The following NLRP7 variants were observed in gnomAD, a reference collection of about 807,000 sequenced individuals.
NLRP7 encodes NACHT, LRR and PYD domains-containing protein 7.
Under a neutral mutation model 85.5 loss-of-function variants are expected in NLRP7, and 72 were observed. That is an observed-to-expected ratio of 0.84 (90% CI 0.70 to 1.02). The LOEUF (loss-of-function observed/expected upper bound fraction) is 1.02, where lower values mean the gene tolerates loss of function less well. Ranked by LOEUF, NLRP7 falls within the 50% of genes least tolerant of loss-of-function variation. NLRP7 has a pLI of 0.00. For missense variants in NLRP7, 1,243 were observed against 1,219.5 expected, an observed-to-expected ratio of 1.02 and a Z score of -0.29; for synonymous variants, 550 against 505.2, an observed-to-expected ratio of 1.09 and a Z score of -1.19.
chr19:54,958,877 C>T (rs2069942205), intron 1 of NLRP7, among the ~76,000 whole-genome samples: 3 of 152,108 alleles, frequency 2.0e-5, no homozygotes. Context: ...ATGAAAGGGT[C>T]ATGATTGAGC....
chr19:54,938,799 G>A (rs2069060509), intron 4 of NLRP7, 89 bp downstream of exon 4: 1 of 1,433,722 alleles, frequency 7.0e-7, no homozygotes, highest in South Asian at 1.1e-5. Context: ...AAGAAGTCCA[G>A]CCAGAGGGAA....
At chr19:54,935,693 A>AG (rs1491251916) in intron 6 of NLRP7, among the ~76,000 whole-genome samples, 2 of 125,388 alleles carry the variant, frequency 1.6e-5, no homozygotes, top group Non-Finnish European at 3.1e-5. Context: ...ACTGTCTCAA[A>AG]GAAAAAAAAA....
chr19:54,950,767 CTT>C (rs2069642490), upstream of NLRP7, among the ~76,000 whole-genome samples: 1 of 151,982 alleles, frequency 6.6e-6, no homozygotes, highest in Admixed American at 6.6e-5. Context: ...ATGCCTTCCT[CTT>C]GTCTCAACTG....
At position 54,940,029 on chromosome 19, in the gene NLRP7, C is replaced by T. The variant is rs530968592; in HGVS notation, c.790G>A (p.Ala264Thr). ...TCCCCGCAGATGTCCTGGATCAGCG[C>T]CCCAGGTGGGACTTTCAGCTCATCA... The change falls in exon 4 of 10, where the codon GCG (alanine) becomes ACG (threonine). Residue 264 changes from alanine to threonine, a missense_variant. Physicochemically the swap from Ala to Thr is moderately conservative, Grantham distance 58. Coordinates refer to ENST00000340844, the Ensembl canonical transcript of NLRP7. 1.1e-5 allele frequency: 17 copies of T among 1,614,188 alleles called. No homozygotes were observed. Among genetic ancestry groups the T allele is most frequent in the Middle Eastern group, 1.6e-4 (1 of 6,062 alleles).
exon 5 of NLRP7, chr19:54,938,112 C>T: frequency 6.2e-7 from 1 of 1,614,108 alleles, no homozygotes; most frequent in Non-Finnish European, 8.5e-7. Context: ...AAGAGTCACT[C>T]AGGAAGCTTT....
At chr19:54,926,033 G>T (rs1156921249) in intron 9 of NLRP7, among the ~76,000 whole-genome samples, 1 of 149,824 alleles carries the variant, frequency 6.7e-6, no homozygotes, top group Non-Finnish European at 1.5e-5. Context: ...AAAAAAGACA[G>T]ACTCCGTCTC....
At chr19:54,947,774 C>T (rs2069539068), upstream of NLRP7, 4 of 642,826 alleles carry the variant, frequency 6.2e-6, no homozygotes, top group East Asian at 1.3e-4. Context: ...CCACCCGGGC[C>T]AGGTGTGATA....
At chr19:54,944,168 A>G (rs1256681292) in intron 1 of NLRP7, among the ~76,000 whole-genome samples, 1 of 151,830 alleles carries the variant, frequency 6.6e-6, no homozygotes, top group Non-Finnish European at 1.5e-5. Flanking sequence ...GCTGAAGAGG[A>G]TTAGTATAAG....
chr19:54,960,177 ATGT>A (rs1449201142), intron 1 of NLRP7, among the ~76,000 whole-genome samples: 1 of 151,224 alleles, frequency 6.6e-6, no homozygotes, highest in African/African-American at 2.4e-5. Flanking sequence ...GTTTTTTGAG[ATGT>A]TGTCTCCCTC....
rs767105976 is a variant in NLRP7 at position 54,934,704 on chromosome 19, A to G, written c.2301-45T>C. On this transcript the variant is annotated intron_variant, in intron 6 of 9. Coordinates refer to ENST00000340844, the Ensembl canonical transcript of NLRP7. The surrounding 1 kb of genome is among the most constrained non-coding windows in gnomAD (Gnocchi z 6.7). ...AGTCATTCTTCTGGGAGGACAGAGTATACCCTATCAGCTTTTTTTTTTTGA... is the reference window on the plus strand; with the variant it reads ...AGTCATTCTTCTGGGAGGACAGAGTGTACCCTATCAGCTTTTTTTTTTTGA... 26 of 1,484,524 alleles carry G rather than the reference A, an allele frequency of 1.8e-5. No individual in the cohort carries two copies. The Middle Eastern group carries it at 9.4e-4, about 54-fold the overall frequency. 92.0% of individuals were successfully genotyped at this position (1,484,524 alleles called of 1,614,324 possible).
chr19:54,943,095 T>C (rs1401015666), intron 1 of NLRP7, among the ~76,000 whole-genome samples: 1 of 149,222 alleles, frequency 6.7e-6, no homozygotes, highest in South Asian at 2.1e-4. Flanking sequence ...TGCAGTGAGC[T>C]GAGATAGCGC....
rs1293240280 is a variant in NLRP7 at position 54,964,341 on chromosome 19, C to T, written c.-77+1699G>A. On this transcript the variant is annotated intron_variant, in intron 1 of 2. Transcript: ENST00000587103. ...ACGCCATTCTCCTGCCTCAGCCTCC[C>T]GAGTAGCTGGGACTACAGGTGCCCG... is the stretch of plus-strand genomic sequence containing the variant. 8.0e-5 allele frequency among the ~76,000 whole-genome samples: 12 copies of T among 149,178 alleles called. No individual in the cohort carries two copies. The South Asian group carries it at 1.0e-3, about 13-fold the overall frequency.
At chr19:54,951,782 G>A (rs542671867), upstream of NLRP7, among the ~76,000 whole-genome samples, 1 of 149,828 alleles carries the variant, frequency 6.7e-6, no homozygotes, top group Non-Finnish European at 1.5e-5. Flanking sequence ...ACGGAGTCTC[G>A]CTCTGTCGCC....
intron 1 of NLRP7, among the ~76,000 whole-genome samples, chr19:54,944,784 TA>T (rs943374939): frequency 3.3e-5 from 5 of 151,928 alleles, no homozygotes; most frequent in Non-Finnish European, 7.4e-5. Flanking sequence ...TAAGTATTTT[TA>T]AAGTAATATA....
At chr19:54,949,450 T>C (rs2069601224), upstream of NLRP7, among the ~76,000 whole-genome samples, 1 of 151,972 alleles carries the variant, frequency 6.6e-6, no homozygotes, top group Non-Finnish European at 1.5e-5. Flanking sequence ...TAAATTATAT[T>C]CTAGCTGACA....
chr19:54,932,975 C>CA (rs1325067458), intron 8 of NLRP7, among the ~76,000 whole-genome samples: 1 of 152,136 alleles, frequency 6.6e-6, no homozygotes, highest in Non-Finnish European at 1.5e-5. Flanking sequence ...CCACATAACT[C>CA]AATCTACCTC....
intron 4 of NLRP7, among the ~76,000 whole-genome samples, chr19:54,938,508 G>C (rs960340042): frequency 2.0e-5 from 3 of 152,184 alleles, no homozygotes; most frequent in Non-Finnish European, 4.4e-5. Flanking sequence ...AAGATCACTT[G>C]AGCCCAGGAG....
chr19:54,927,882 A>G (rs939168832), intron 9 of NLRP7, 107 bp from the exon 10 acceptor site: 2 of 929,986 alleles, frequency 2.2e-6, no homozygotes, highest in Admixed American at 1.7e-5. Flanking sequence ...ACTTGAGGCC[A>G]GGTGTTCGAG....
In NLRP7 at chr19:54,928,470, A is replaced by G. The variant is rs269939; in HGVS notation, c.2810+2029T>C. ...TGAGGAAAGGCAGAGGGGAGTGAGC[A>G]GAAGAAATCCTTGTCCTCAGAGTTT... On this transcript the variant is annotated intron_variant, in intron 9 of 9. Coordinates refer to ENST00000340844, the Ensembl canonical transcript of NLRP7. Among the ~76,000 whole-genome samples the G allele has an allele frequency of 0.55, 84,137 of 151,738 alleles. 23,552 individuals carry two copies. Among genetic ancestry groups the G allele is most frequent in the East Asian group, 0.72 (3,671 of 5,128 alleles).
Sources: gnomAD v4.1 joint callset for allele counts (sites outside exome capture counted in the v4.1 genomes callset) on GRCh38, gnomAD v4.1.1 for gene constraint, Gnocchi (gnomAD v3.1) non-coding constraint, MANE v1.5 for transcripts, NCBI Gene and HGNC (gene_info 2026-07-23, HGNC 2026-07-21) for gene names.